PARM1: variants seen among roughly 807,000 people sequenced by gnomAD.
The protein encoded by PARM1 is WSC4, cell wall integrity and stress response component 4 homolog.
Under a neutral mutation model 24.6 loss-of-function variants are expected in PARM1, and 14 were observed. That is an observed-to-expected ratio of 0.57 (90% confidence interval 0.38 to 0.89). The LOEUF (loss-of-function observed/expected upper bound fraction) is 0.89. Ranked by LOEUF, PARM1 falls within the 40% of genes least tolerant of loss-of-function variation. PARM1 has a pLI of 0.00. For synonymous variants in PARM1, 179 were observed against 156.6 expected (o/e 1.14, Z -1.07); for missense variants, 362 against 380.4 (o/e 0.95, Z 0.40).
At chr4:74,942,279 T>G (rs1168321279) in intron 1 of PARM1, among the ~76,000 whole-genome samples, 1 of 152,242 alleles carries the variant, frequency 6.6e-6, no homozygotes, top group Non-Finnish European at 1.5e-5. Flanking sequence ...TTATAAATTT[T>G]CATTCAGTTA....
intron 1 of PARM1, among the ~76,000 whole-genome samples, chr4:74,955,801 G>A (rs2109986607): frequency 6.6e-6 from 1 of 152,326 alleles, no homozygotes; most frequent in Non-Finnish European, 1.5e-5. Flanking sequence ...AAACATAGAA[G>A]TCAGTTATAG....
intron 2 of PARM1, among the ~76,000 whole-genome samples, chr4:75,014,053 C>T (rs1398710002): frequency 1.3e-5 from 2 of 152,174 alleles, no homozygotes; most frequent in Non-Finnish European, 2.9e-5. Flanking sequence ...AGCCCCTCCC[C>T]TGGGTGGTCC....
chr4:74,984,216 A>G (rs1473765496), intron 1 of PARM1, among the ~76,000 whole-genome samples: 1 of 152,242 alleles, frequency 6.6e-6, no homozygotes. Flanking sequence ...TTCCACACCA[A>G]CCACACTCTA....
At chr4:74,951,663 A>T (rs1578025167) in intron 1 of PARM1, among the ~76,000 whole-genome samples, 1 of 151,662 alleles carries the variant, frequency 6.6e-6, no homozygotes, top group East Asian at 1.9e-4. Context: ...TTCAACTCCC[A>T]CTTACGAGTG....
chr4:74,975,517 C>T (rs1346165332), intron 1 of PARM1, among the ~76,000 whole-genome samples: 2 of 152,136 alleles, frequency 1.3e-5, no homozygotes, highest in East Asian at 1.9e-4. Flanking sequence ...AGAAATTTTA[C>T]CAAAACATGC....
chr4:74,995,192 G>A (rs1166708967), intron 1 of PARM1, among the ~76,000 whole-genome samples: 1 of 152,000 alleles, frequency 6.6e-6, no homozygotes, highest in Non-Finnish European at 1.5e-5. Context: ...AGCCTTATAA[G>A]ATTTGAAAAA....
intron 2 of PARM1, among the ~76,000 whole-genome samples, chr4:75,016,471 G>A (rs557009240): frequency 2.0e-5 from 3 of 152,070 alleles, no homozygotes; most frequent in Non-Finnish European, 4.4e-5. Flanking sequence ...GGTATATTGC[G>A]TGATGCTGAG....
chr4:74,996,117 A>G (rs1376656910), intron 1 of PARM1, among the ~76,000 whole-genome samples: 1 of 152,084 alleles, frequency 6.6e-6, no homozygotes, highest in Non-Finnish European at 1.5e-5. Context: ...CTGAGAGGTC[A>G]CTTCCCTTTG....
intron 1 of PARM1, among the ~76,000 whole-genome samples, chr4:74,993,086 G>A (rs1426770159): frequency 6.6e-6 from 1 of 152,152 alleles, no homozygotes; most frequent in Non-Finnish European, 1.5e-5. Flanking sequence ...AATAGAATAT[G>A]CCAAGAGTGT....
chr4:74,973,072 G>A, intron 1 of PARM1, among the ~76,000 whole-genome samples: 1 of 152,036 alleles, frequency 6.6e-6, no homozygotes, highest in Non-Finnish European at 1.5e-5. Context: ...AAAATAACAA[G>A]AATGGATTTT....
chr4:75,012,051 G>A (rs1722880422), intron 1 of PARM1, among the ~76,000 whole-genome samples: 1 of 152,178 alleles, frequency 6.6e-6, no homozygotes, highest in Non-Finnish European at 1.5e-5. Context: ...TCCTACAGGA[G>A]CTGTGGAGTT....
At chr4:75,004,962 A>C (rs551192955) in intron 1 of PARM1, among the ~76,000 whole-genome samples, 56 of 152,374 alleles carry the variant, frequency 3.7e-4, no homozygotes, top group African/African-American at 1.3e-3. Flanking sequence ...TAGGGAAATT[A>C]CTGAACTTTT....
At chr4:75,029,735 A>C (rs1175909491) in intron 2 of PARM1, among the ~76,000 whole-genome samples, 6 of 152,124 alleles carry the variant, frequency 3.9e-5, no homozygotes, top group Non-Finnish European at 8.8e-5. Context: ...GTGCACAGTG[A>C]GAAGGGCAGG....
chr4:75,009,280 A>G (rs574704801), intron 1 of PARM1, among the ~76,000 whole-genome samples: 59 of 152,354 alleles, frequency 3.9e-4, no homozygotes, highest in African/African-American at 1.4e-3. Flanking sequence ...AATTCAGAAT[A>G]AACTCTATAG....
intron 1 of PARM1, among the ~76,000 whole-genome samples, chr4:74,985,117 C>T (rs1365536644): frequency 6.6e-6 from 1 of 152,220 alleles, no homozygotes; most frequent in Non-Finnish European, 1.5e-5. Flanking sequence ...TCACATGATA[C>T]TGCCAGTTCC....
At chr4:74,935,790 A>G (rs555265316) in intron 1 of PARM1, among the ~76,000 whole-genome samples, 4 of 152,308 alleles carry the variant, frequency 2.6e-5, no homozygotes, top group Non-Finnish European at 5.9e-5. Flanking sequence ...TGCGTTGTCA[A>G]CAAGCCAACA....
chr4:75,030,614 A>G (rs1723256928), intron 2 of PARM1, among the ~76,000 whole-genome samples: 1 of 152,214 alleles, frequency 6.6e-6, no homozygotes, highest in South Asian at 2.1e-4. Flanking sequence ...GTGCTAGCAC[A>G]GTGGAATATT....
chr4:75,042,214 C>T (rs966653595), intron 3 of PARM1, among the ~76,000 whole-genome samples: 3 of 152,126 alleles, frequency 2.0e-5, no homozygotes, highest in African/African-American at 7.2e-5. Context: ...ATTATATCAA[C>T]AGCAACATGT....
At chr4:75,020,827 C>T (rs2109800742) in intron 2 of PARM1, among the ~76,000 whole-genome samples, 1 of 152,332 alleles carries the variant, frequency 6.6e-6, no homozygotes, top group East Asian at 1.9e-4. Flanking sequence ...CATCACTTCA[C>T]CTGGTTAATT....
Sources: allele counts gnomAD v4.1 joint callset (sites outside exome capture counted in the v4.1 genomes callset), GRCh38; gene constraint gnomAD v4.1.1; transcripts MANE v1.5; gene names NCBI Gene and HGNC (gene_info 2026-07-23, HGNC 2026-07-21).